PLEKHA8: variants seen among roughly 807,000 people sequenced by gnomAD.
PLEKHA8 encodes pleckstrin homology domain-containing family A member 8.
PLEKHA8 carries 36 observed loss-of-function variants against 68.2 expected under a neutral mutation model. The ratio of observed to expected loss-of-function variants is 0.53; its 90% CI spans 0.40 to 0.70. The LOEUF (loss-of-function observed/expected upper bound fraction) is 0.70. Ranked by LOEUF, PLEKHA8 falls within the 30% of genes least tolerant of loss-of-function variation. The pLI is 0.00. For synonymous variants in PLEKHA8, 211 were observed against 216.1 expected (o/e 0.98, Z 0.20); for missense variants, 505 against 615.4 (o/e 0.82, Z 1.90).
downstream of PLEKHA8, among the ~76,000 whole-genome samples, chr7:30,093,166 T>A (rs1451922341): frequency 6.6e-6 from 1 of 152,130 alleles, no homozygotes; most frequent in Non-Finnish European, 1.5e-5. Context: ...GGGGTCCAAT[T>A]TCAGTTATAA....
In PLEKHA8 at chr7:30,112,103, A is replaced by C. The variant is rs376934555; in HGVS notation, c.1363-17163A>C. ...TGATATCAGACAAAAAAGACTTAAA[A>C]AGTATTTAGGGATAAAGAAAGTCAC... On this transcript the variant is annotated intron_variant, in intron 13 of 13. Transcript: ENST00000396257. Among the ~76,000 whole-genome samples the C allele has an allele frequency of 8.5e-5, 13 of 152,326 alleles. No individual in the cohort carries two copies. The East Asian group carries it at 1.2e-3, about 14-fold the overall frequency.
In PLEKHA8 at chr7:30,032,033, A is replaced by G. The variant is rs77255813; in HGVS notation, c.40+3231A>G. Among the ~76,000 whole-genome samples the G allele has an allele frequency of 5.5e-3, 835 of 152,280 alleles. 11 individuals are homozygous for G. The highest frequency in any genetic ancestry group is 0.019 in the African/African-American group (795 of 41,554). Reference sequence around the variant, plus strand: ...TCTGGTTTCATCCTGCCTTTTGGACATTCCGGGATTTAGTGCCAGTACCTT... The same window carrying G: ...TCTGGTTTCATCCTGCCTTTTGGACGTTCCGGGATTTAGTGCCAGTACCTT... On this transcript the variant is annotated intron_variant, in intron 1 of 13. Transcript: ENST00000449726.
At chr7:30,109,637 A>G (rs1796202387) in intron 13 of PLEKHA8, among the ~76,000 whole-genome samples, 1 of 148,624 alleles carries the variant, frequency 6.7e-6, no homozygotes, top group South Asian at 2.1e-4. Context: ...ACATTGTGTA[A>G]CTACAGACAT....
rs1193808058 is a variant in PLEKHA8, at chr7:30,081,608, A to C, written c.*2821A>C. ...TAAATTTACTTTCACCATTACTGTG[A>C]GAGGAGGTGAGAAAACTCTAGTATT... On this transcript the variant is annotated 3_prime_UTR_variant, in exon 14 of 14. Transcript: ENST00000449726. 1 of 985,298 alleles carries C rather than the reference A, an allele frequency of 1.0e-6. No homozygotes were observed. The highest frequency in any genetic ancestry group is 1.1e-4 in the East Asian group (1 of 8,812). The allele number at this position is 985,298 out of a possible 1,614,324, so 61.0% of individuals were successfully genotyped here. A position where few individuals can be genotyped will look rare whatever the true frequency, so the allele number is the denominator to read the frequency against.
chr7:30,043,662 A>G (rs1038522370), intron 1 of PLEKHA8, among the ~76,000 whole-genome samples: 4 of 152,170 alleles, frequency 2.6e-5, no homozygotes, highest in Admixed American at 2.0e-4. Context: ...TATGTTGCCT[A>G]CCTACCCAAC....
chr7:30,123,778 A>T (rs1456251490), intron 13 of PLEKHA8, among the ~76,000 whole-genome samples: 6 of 152,202 alleles, frequency 3.9e-5, no homozygotes, highest in African/African-American at 4.8e-5. Context: ...TAGATGTCCG[A>T]TAACTTTACC....
chr7:30,028,844 C>T, intron 1 of PLEKHA8, 42 bp downstream of exon 1: 1 of 1,250,154 alleles, frequency 8.0e-7, no homozygotes, highest in Middle Eastern at 2.1e-4. Flanking sequence ...GGGGGCCGGT[C>T]CTTTGTCTGC....
At chr7:30,110,158 A>T (rs867017887) in intron 13 of PLEKHA8, among the ~76,000 whole-genome samples, 2 of 152,086 alleles carry the variant, frequency 1.3e-5, no homozygotes, top group African/African-American at 4.8e-5. Flanking sequence ...GCAACCCTGT[A>T]CTTATTAAGC....
chr7:30,116,214 A>G (rs1440376759), intron 13 of PLEKHA8, among the ~76,000 whole-genome samples: 2 of 151,478 alleles, frequency 1.3e-5, no homozygotes, highest in Non-Finnish European at 3.0e-5. Context: ...ACATGTATAC[A>G]TATGTATATA....
At chr7:30,077,972 C>A (rs950269556) in intron 13 of PLEKHA8, among the ~76,000 whole-genome samples, 1 of 152,022 alleles carries the variant, frequency 6.6e-6, no homozygotes, top group African/African-American at 2.4e-5. Flanking sequence ...AGCTGTATGA[C>A]GTTTATATAT....
chr7:30,071,489 C>T (rs1054608541), intron 12 of PLEKHA8, among the ~76,000 whole-genome samples: 1 of 152,224 alleles, frequency 6.6e-6, no homozygotes, highest in African/African-American at 2.4e-5. Flanking sequence ...ATTAGTTTCT[C>T]CCTTCTTACT....
chr7:30,115,802 A>G (rs967333269), intron 13 of PLEKHA8: 2 of 141,048 alleles, frequency 1.4e-5, no homozygotes, highest in African/African-American at 2.8e-5. Flanking sequence ...ACATACATGT[A>G]TACACGCATG....
chr7:30,116,239 C>T (rs985225414), intron 13 of PLEKHA8, among the ~76,000 whole-genome samples: 8 of 139,668 alleles, frequency 5.7e-5, no homozygotes, highest in Non-Finnish European at 7.4e-5. Context: ...TACATGTATG[C>T]GTATACATGT....
At position 30,079,469 on chromosome 7, in the gene PLEKHA8, A is replaced by G; in HGVS notation, c.*682A>G. The G allele has an allele frequency of 4.1e-6, 4 of 985,364 alleles. No homozygotes were observed. The highest frequency in any genetic ancestry group is 4.8e-6 in the Non-Finnish European group (4 of 829,902). The allele number at this position is 985,364 out of a possible 1,614,324, so 61.0% of individuals were successfully genotyped here. A position where few individuals can be genotyped will look rare whatever the true frequency, so the allele number is the denominator to read the frequency against. On this transcript the variant is annotated 3_prime_UTR_variant, in exon 14 of 14. Transcript: ENST00000449726. ...CAAGTTGGAGGGGAGAATATGAGAGAGGTGGGACAGGTCATTTGAGATGAC... is the reference window on the plus strand; with the variant it reads ...CAAGTTGGAGGGGAGAATATGAGAGGGGTGGGACAGGTCATTTGAGATGAC...
intron 12 of PLEKHA8, among the ~76,000 whole-genome samples, chr7:30,071,181 A>G (rs1444142093): frequency 5.3e-5 from 8 of 152,186 alleles, no homozygotes; most frequent in Non-Finnish European, 8.8e-5. Context: ...ACCCAAAAAA[A>G]GCGATAAATG....
rs923641987 is a variant in PLEKHA8 at position 30,082,915 on chromosome 7, A to G, written c.*4128A>G. The G allele has an allele frequency of 3.0e-6, 3 of 985,220 alleles. No individual in the cohort carries two copies. Among genetic ancestry groups the G allele is most frequent in the African/African-American group, 3.5e-5 (2 of 57,222 alleles). The allele number at this position is 985,220 out of a possible 1,614,324, so 61.0% of individuals were successfully genotyped here. ...TTTTCCTAGCAAACTACCATGTCCT[A>G]CAAGAACTTGGTTATATAATGGTGC... On this transcript the variant is annotated 3_prime_UTR_variant, in exon 14 of 14. Coordinates refer to ENST00000449726, the MANE Select transcript of PLEKHA8 (RefSeq NM_001197026.2).
rs1286884085 is a variant in PLEKHA8, at chr7:30,081,829, G to T, written c.*3042G>T. 1 of 985,232 alleles carries T rather than the reference G, an allele frequency of 1.0e-6. No homozygotes were observed. The highest frequency in any genetic ancestry group is 1.2e-6 in the Non-Finnish European group (1 of 829,902). 61.0% of individuals were successfully genotyped at this position (985,232 alleles called of 1,614,324 possible). A position where few individuals can be genotyped will look rare whatever the true frequency, so the allele number is the denominator to read the frequency against. The stretch of plus-strand genomic sequence containing the variant: ...TCATCGTGCCTGTACTTTTCTCTAT[G>T]GTAAAAGCCAGTGTTTACACTTTGT... On this transcript the variant is annotated 3_prime_UTR_variant, in exon 14 of 14. Coordinates refer to ENST00000449726, the MANE Select transcript of PLEKHA8 (RefSeq NM_001197026.2).
In PLEKHA8 at chr7:30,081,306, A is replaced by G. The variant is rs1794918504; in HGVS notation, c.*2519A>G. 1 of 985,174 alleles carries G rather than the reference A, an allele frequency of 1.0e-6. No homozygotes were observed. The highest frequency in any genetic ancestry group is 1.2e-6 in the Non-Finnish European group (1 of 829,808). The allele number at this position is 985,174 out of a possible 1,614,324, so 61.0% of individuals were successfully genotyped here. A position where few individuals can be genotyped will look rare whatever the true frequency, so the allele number is the denominator to read the frequency against. On this transcript the variant is annotated 3_prime_UTR_variant, in exon 14 of 14. Transcript: ENST00000449726. ...ATATTACGTTTGCCTAAGATGTATA[A>G]AAGTTTGTTTAAGATGTGTAAAAGT... is the stretch of plus-strand genomic sequence containing the variant.
rs1791960950 is a variant in PLEKHA8, at chr7:30,046,334, C to T, written c.282C>T (p.Cys94=). ...WLVALGSAKA[C]LTDSRTQKEK... ...TGGCCCTGGGATCAGCCAAGGCTTG[C>T]CTGACTGACAGTAGGACCCAGAAGG... The change falls in exon 3 of 14, where the codon TGC becomes TGT. Residue 94 remains cysteine, a synonymous_variant. Transcript: ENST00000449726. 6.2e-7 allele frequency: 1 copy of T among 1,612,182 alleles called. No homozygotes were observed. The highest frequency in any genetic ancestry group is 1.3e-5 in the African/African-American group (1 of 74,858).
Sources: allele counts gnomAD v4.1 joint callset (sites outside exome capture counted in the v4.1 genomes callset), GRCh38; gene constraint gnomAD v4.1.1; transcripts MANE v1.5; gene names NCBI Gene and HGNC (gene_info 2026-07-23, HGNC 2026-07-21).